ERICH3: variants seen among roughly 807,000 people sequenced by gnomAD.
The protein encoded by ERICH3 is glutamate-rich protein 3.
ERICH3 carries 126 observed loss-of-function variants against 131.1 expected under a neutral mutation model. That is an observed-to-expected ratio of 0.96 (90% confidence interval 0.83 to 1.11). The LOEUF (loss-of-function observed/expected upper bound fraction) is 1.11. Ranked by LOEUF, ERICH3 falls within the 50% of genes most tolerant of loss-of-function variation. ERICH3 has a pLI of 0.00. For synonymous variants in ERICH3, 695 were observed against 644.6 expected (o/e 1.08, Z -1.18); for missense variants, 2,050 against 1,810.7 (o/e 1.13, Z -2.40).
intron 2 of ERICH3, among the ~76,000 whole-genome samples, chr1:74,648,027 G>T (rs1286032386): frequency 2.0e-5 from 3 of 152,062 alleles, no homozygotes; most frequent in African/African-American, 7.2e-5. Context: ...AAAACTGATA[G>T]GTCCCTTAGC....
intron 1 of ERICH3, among the ~76,000 whole-genome samples, chr1:74,667,372 C>G (rs1283670557): frequency 2.0e-5 from 3 of 152,122 alleles, no homozygotes; most frequent in Non-Finnish European, 4.4e-5. Flanking sequence ...TGGAGTCATT[C>G]CATAACATAC....
chr1:74,673,572 G>T lies in ERICH3; in HGVS notation c.-53C>A. The T allele has an allele frequency of 1.9e-6, 3 of 1,594,794 alleles. No homozygotes were observed. Among genetic ancestry groups the T allele is most frequent in the Non-Finnish European group, 2.6e-6 (3 of 1,170,510 alleles). The stretch of plus-strand genomic sequence containing the variant: ...GGCAGGTGCGGAGGGTGGGTGCGTG[G>T]GGCCCCGTGCGCGCTGGCGCTGCGA... On this transcript the variant is annotated 5_prime_UTR_variant, in exon 1 of 15. Coordinates refer to ENST00000326665, the MANE Select transcript of ERICH3 (RefSeq NM_001002912.5).
intron 1 of ERICH3, among the ~76,000 whole-genome samples, chr1:74,670,559 C>T (rs995672710): frequency 1.3e-5 from 2 of 152,186 alleles, no homozygotes; most frequent in Non-Finnish European, 2.9e-5. Context: ...TTTATAATTT[C>T]TTATGCCTGT....
At chr1:74,623,578 G>A (rs997518053) in intron 7 of ERICH3, 5 of 152,002 alleles carry the variant, frequency 3.3e-5, no homozygotes, top group Non-Finnish European at 7.4e-5. Flanking sequence ...ATTAGGAAAT[G>A]GGGGGGAAAG....
intron 10 of ERICH3, among the ~76,000 whole-genome samples, chr1:74,603,377 AGCC>A (rs1247278722): frequency 2.0e-5 from 3 of 151,882 alleles, no homozygotes; most frequent in African/African-American, 7.2e-5. Flanking sequence ...TCAATTTCCC[AGCC>A]TGTAAAATTG....
At chr1:74,661,473 T>G (rs1480904089) in intron 1 of ERICH3, among the ~76,000 whole-genome samples, 1 of 152,174 alleles carries the variant, frequency 6.6e-6, no homozygotes, top group Non-Finnish European at 1.5e-5. Flanking sequence ...TCAATGTTAA[T>G]TTTCTTTCTA....
Position 74,589,895 on chromosome 1 carries a change from C to T in ERICH3, c.1912G>A (p.Glu638Lys), listed in dbSNP as rs1319580691. 4 of 1,613,996 alleles carry T rather than the reference C, an allele frequency of 2.5e-6. No homozygotes were observed. The highest frequency in any genetic ancestry group is 3.4e-6 in the Non-Finnish European group (4 of 1,179,968). Residue 638 changes from glutamate (E) to lysine (K), a missense_variant, in exon 12 of 15, where the codon GAA becomes AAA. Glu to Lys is a moderately conservative substitution (Grantham distance 56). Coordinates refer to ENST00000326665, the MANE Select transcript of ERICH3 (RefSeq NM_001002912.5). ...TCTTCAATTTCAATTTCTAAGGATT[C>T]CTCAATTGGAAGGTGAGACTTTCTT... ...KPRKSHLPIE[E>K]SLEIEIEDQE... is the part of the protein sequence containing the mutation.
intron 13 of ERICH3, among the ~76,000 whole-genome samples, chr1:74,575,476 C>T (rs1314443632): frequency 6.6e-6 from 1 of 152,130 alleles, no homozygotes. Context: ...GTTCACAGAA[C>T]ATATAGCCAA....
rs1016185785 is a variant in ERICH3, at chr1:74,573,148, C to T, written c.2562G>A (p.Gly854=). 1 of 1,612,848 alleles carries T rather than the reference C, an allele frequency of 6.2e-7. No individual in the cohort carries two copies. Among genetic ancestry groups the T allele is most frequent in the Non-Finnish European group, 8.5e-7 (1 of 1,179,486 alleles). Residue 854 remains glycine, a synonymous_variant, in exon 14 of 15, where the codon GGG becomes GGA. Transcript: ENST00000326665. ...CTGCTTGTCCTATGGGGTCTGACCC[C>T]CCTTCACCCAGCCTTCTGACCCCTT... is the stretch of plus-strand genomic sequence containing the variant. ...EAEGVRRLGE[G]GSDPIGQAAA...
chr1:74,638,696 G>A (rs1350249417), intron 5 of ERICH3, among the ~76,000 whole-genome samples: 11 of 151,788 alleles, frequency 7.2e-5, no homozygotes, highest in Admixed American at 7.2e-4. Flanking sequence ...TCTCAGTTTT[G>A]GCCAATAAGA....
At chr1:74,625,772 G>A (rs1341641808) in intron 7 of ERICH3, 1 of 152,070 alleles carries the variant, frequency 6.6e-6, no homozygotes, top group Non-Finnish European at 1.5e-5. Flanking sequence ...ATAGATGATT[G>A]CAATAGTTCC....
Position 74,631,890 on chromosome 1 carries a change from G to A in ERICH3, c.642C>T (p.Gly214=). 1 of 1,613,206 alleles carries A rather than the reference G, an allele frequency of 6.2e-7. No homozygotes were observed. Among genetic ancestry groups the A allele is most frequent in the Non-Finnish European group, 8.5e-7 (1 of 1,179,400 alleles). The stretch of plus-strand genomic sequence containing the variant: ...GATATGAATTCATTCTCTGTGAATT[G>A]CCTATGGAGTTCCTGAACTTCATCA... ...KAVMKFRNSI[G]NSQRMNSYQL... The change falls in exon 7 of 15, where the codon GGC becomes GGT. Residue 214 remains glycine, a synonymous_variant. Transcript: ENST00000326665.
rs532310416 is a variant in ERICH3, at chr1:74,665,497, A to G, written c.23+8000T>C. Among the ~76,000 whole-genome samples, 144 of 152,318 alleles carry G rather than the reference A, an allele frequency of 9.5e-4. 2 individuals are homozygous for G. The highest frequency in any genetic ancestry group is 3.4e-3 in the African/African-American group (143 of 41,576). Reference sequence around the variant, plus strand: ...GTAATGAAGAGCATCAACAGCTACAAACAGGTTGCGTTAGTTTGGTAGGGC... The same window carrying G: ...GTAATGAAGAGCATCAACAGCTACAGACAGGTTGCGTTAGTTTGGTAGGGC... On this transcript the variant is annotated intron_variant, in intron 1 of 14. Coordinates refer to ENST00000326665, the MANE Select transcript of ERICH3 (RefSeq NM_001002912.5).
chr1:74,631,774 C>A lies in ERICH3; in HGVS notation c.758G>T (p.Trp253Leu). The change falls in exon 7 of 15, where the codon TGG becomes TTG. Residue 253 changes from tryptophan (W) to leucine (L), a missense_variant. Coordinates refer to ENST00000326665, the MANE Select transcript of ERICH3 (RefSeq NM_001002912.5). ...KITRENRSET[W>L]RRRRFRPTTA... Reference sequence around the variant, plus strand: ...GGTTGGACGAAATCTTCTCCTTCTCCATGTTTCAGATCTATTTTCTCTTGT... The same window carrying A: ...GGTTGGACGAAATCTTCTCCTTCTCAATGTTTCAGATCTATTTTCTCTTGT... 1 of 1,613,582 alleles carries A rather than the reference C, an allele frequency of 6.2e-7. No individual in the cohort carries two copies. The highest frequency in any genetic ancestry group is 8.5e-7 in the Non-Finnish European group (1 of 1,179,678).
intron 11 of ERICH3, among the ~76,000 whole-genome samples, chr1:74,595,445 A>C (rs1009405938): frequency 3.4e-4 from 52 of 152,134 alleles, no homozygotes; most frequent in Non-Finnish European, 7.2e-4. Context: ...AGACAAGTAT[A>C]TGTAAGAATA....
chr1:74,589,588 A>T, intron 12 of ERICH3, 43 bp downstream of exon 12: 3 of 1,575,088 alleles, frequency 1.9e-6, no homozygotes, highest in Non-Finnish European at 2.6e-6. Context: ...ATCAGCTTCC[A>T]TGCATGAGGA....
intron 7 of ERICH3, among the ~76,000 whole-genome samples, chr1:74,626,943 T>C (rs925457289): frequency 1.6e-4 from 24 of 152,158 alleles, no homozygotes; most frequent in Admixed American, 9.8e-4. Context: ...GCAAGCCACA[T>C]TTCATTGCTT....
intron 10 of ERICH3, among the ~76,000 whole-genome samples, chr1:74,603,763 C>T (rs542719889): frequency 2.0e-5 from 3 of 151,960 alleles, no homozygotes; most frequent in East Asian, 3.9e-4. Flanking sequence ...CCAATGTATA[C>T]ACCTTAACTA....
At chr1:74,620,416 C>A (rs774693955) in intron 8 of ERICH3, among the ~76,000 whole-genome samples, 14 of 152,082 alleles carry the variant, frequency 9.2e-5, no homozygotes, top group Non-Finnish European at 1.8e-4. Context: ...CTATGGCAAG[C>A]CAAATAGTTA....
Sources: gnomAD v4.1 joint callset for allele counts (sites outside exome capture counted in the v4.1 genomes callset) on GRCh38, gnomAD v4.1.1 for gene constraint, MANE v1.5 for transcripts, NCBI Gene and HGNC (gene_info 2026-07-23, HGNC 2026-07-21) for gene names.